Variants in EBF4 observed in about 807,000 individuals in gnomAD.
The protein encoded by EBF4 is transcription factor COE4.
In EBF4, 34 loss-of-function variants were observed where a neutral mutation model predicts 67.1. The observed-to-expected ratio is 0.51, with a 90% CI of 0.39 to 0.67. The LOEUF (loss-of-function observed/expected upper bound fraction) is 0.67. Ranked by LOEUF, EBF4 falls within the 30% of genes least tolerant of loss-of-function variation. The pLI, the probability that EBF4 is intolerant of heterozygous loss-of-function variation, is 0.00. For synonymous variants in EBF4, 387 were observed against 377.7 expected (o/e 1.02, Z -0.29); for missense variants, 837 against 873.3 (o/e 0.96, Z 0.52).
intron 6 of EBF4, among the ~76,000 whole-genome samples, chr20:2,735,172 C>T (rs549184346): frequency 8.5e-5 from 13 of 152,226 alleles, no homozygotes; most frequent in Non-Finnish European, 1.5e-4. Flanking sequence ...AGTTCTGAAT[C>T]GGGTCAAATA....
exon 14 of EBF4, chr20:2,752,447 C>T (rs1310836754): frequency 2.4e-6 from 3 of 1,275,210 alleles, no homozygotes; most frequent in Non-Finnish European, 3.0e-6. Context: ...GGCCTCGGAG[C>T]TGGCCTGGGC....
At chr20:2,710,785 C>A (rs1315168778) in intron 6 of EBF4, among the ~76,000 whole-genome samples, 1 of 152,182 alleles carries the variant, frequency 6.6e-6, no homozygotes, top group Non-Finnish European at 1.5e-5. Flanking sequence ...CTGAGATAGT[C>A]TGTGCATATA....
exon 4 of EBF4, chr20:2,706,255 G>A (rs202007358): frequency 6.7e-5 from 104 of 1,552,032 alleles, no homozygotes; most frequent in Non-Finnish European, 9.0e-5. Flanking sequence ...TCGACTCCAT[G>A]TCCAAACAGG....
At chr20:2,712,343 G>A (rs1235813456) in intron 6 of EBF4, among the ~76,000 whole-genome samples, 2 of 152,152 alleles carry the variant, frequency 1.3e-5, no homozygotes, top group South Asian at 2.1e-4. Flanking sequence ...TGTAAGAAGC[G>A]GCTGCATTCT....
At chr20:2,737,737 G>A (rs1862133559) in intron 6 of EBF4, among the ~76,000 whole-genome samples, 3 of 151,828 alleles carry the variant, frequency 2.0e-5, no homozygotes, top group African/African-American at 7.3e-5. Flanking sequence ...TTGGGAGGCC[G>A]AGGTGGGCGG....
intron 5 of EBF4, 147 bp downstream of exon 5, chr20:2,708,167 G>A (rs2087486412): frequency 3.7e-6 from 3 of 818,798 alleles, no homozygotes; most frequent in African/African-American, 1.7e-5. Context: ...GATGAAGGGA[G>A]TGGTGAGGCC....
intron 5 of EBF4, among the ~76,000 whole-genome samples, chr20:2,708,730 A>G (rs6051324): frequency 0.053 from 8,058 of 152,292 alleles, 297 homozygotes; most frequent in East Asian, 0.19. Context: ...CTCTAAAAAA[A>G]TAAATAAAGT....
chr20:2,737,423 A>C (rs974962558), intron 6 of EBF4, among the ~76,000 whole-genome samples: 1 of 152,066 alleles, frequency 6.6e-6, no homozygotes, highest in Admixed American at 6.6e-5. Context: ...CTGGGGACTC[A>C]AGCCAACCTG....
At chr20:2,702,351 C>A (rs977245902) in intron 1 of EBF4, among the ~76,000 whole-genome samples, 3 of 151,742 alleles carry the variant, frequency 2.0e-5, no homozygotes, top group Non-Finnish European at 4.4e-5. Context: ...TCACGTGAGC[C>A]TAGGAGGTTG....
intron 6 of EBF4, among the ~76,000 whole-genome samples, chr20:2,720,949 C>T (rs986751162): frequency 2.0e-5 from 3 of 152,114 alleles, no homozygotes; most frequent in African/African-American, 7.2e-5. Flanking sequence ...GATGTTTATC[C>T]TTATCTTTGT....
At chr20:2,697,295 C>T (rs1236418059) in intron 1 of EBF4, among the ~76,000 whole-genome samples, 2 of 152,082 alleles carry the variant, frequency 1.3e-5, no homozygotes, top group African/African-American at 4.8e-5. Flanking sequence ...CCTGTAATCC[C>T]AGCACTTTGG....
At chr20:2,704,580 T>C (rs541599829) in intron 1 of EBF4, among the ~76,000 whole-genome samples, 1 of 152,380 alleles carries the variant, frequency 6.6e-6, no homozygotes, top group South Asian at 2.1e-4. Context: ...TGTTCATCTG[T>C]TGAGCTCCTG....
upstream of EBF4, chr20:2,692,815 C>T (rs1158018028): frequency 9.4e-5 from 15 of 159,526 alleles, no homozygotes; most frequent in South Asian, 2.1e-3. The surrounding 1 kb of genome is among the most constrained non-coding windows in gnomAD (Gnocchi z 6.4). Flanking sequence ...GCGGCGGCGG[C>T]GGCGGCGGCG....
intron 6 of EBF4, among the ~76,000 whole-genome samples, chr20:2,711,727 G>C (rs140587055): frequency 7.2e-5 from 11 of 152,110 alleles, no homozygotes; most frequent in Non-Finnish European, 1.6e-4. Context: ...TTGTGTTCAC[G>C]GGCTTACAAT....
At chr20:2,749,557 A>T in intron 8 of EBF4, 39 bp downstream of exon 8, 2 of 1,539,788 alleles carry the variant, frequency 1.3e-6, no homozygotes, top group Non-Finnish European at 1.8e-6. Flanking sequence ...CCGCGGGCCC[A>T]GCCAGCCCCC....
In EBF4 at chr20:2,749,445, C is replaced by A. The variant is rs554847712; in HGVS notation, c.684C>A (p.Ala228=). The A allele has an allele frequency of 3.2e-6, 5 of 1,548,250 alleles. No homozygotes were observed. In the East Asian group the frequency reaches 1.2e-4, roughly 38 times the overall value. Residue 228 remains alanine, a synonymous_variant, in exon 8 of 17, where the codon GCC becomes GCA. Transcript: ENST00000609451. The stretch of plus-strand genomic sequence containing the variant: ...TGAGCGTGGACGGACACGTGCTGGC[C>A]GTGTCCGACAACATGTTTGTGCACA...
At chr20:2,750,747 G>A (rs4813615) in intron 10 of EBF4, among the ~76,000 whole-genome samples, 51,015 of 152,090 alleles carry the variant, frequency 0.34, 9,517 homozygotes, top group African/African-American at 0.52. Context: ...GTGGGGTCAC[G>A]CGGTCAAGGG....
chr20:2,701,225 C>T (rs1237641920), intron 1 of EBF4, among the ~76,000 whole-genome samples: 1 of 152,180 alleles, frequency 6.6e-6, no homozygotes, highest in Non-Finnish European at 1.5e-5. Flanking sequence ...TGCAGGATGC[C>T]GCTCTGGGCT....
At position 2,709,611 on chromosome 20, in the gene EBF4, G is replaced by T; in HGVS notation, c.526G>T (p.Glu176Ter). Residue 176 changes from glutamate to a stop codon, truncating the protein, a stop_gained, in exon 6 of 17, where the codon GAG (glutamate) becomes TAG (stop). Transcript: ENST00000609451. LOFTEE classifies it high-confidence loss of function. ...CCGGAAGAGCTGTGGCAACCGGAATGAGACGCCCTCAGACCCCGTCATCAT... is the reference window on the plus strand; with the variant it reads ...CCGGAAGAGCTGTGGCAACCGGAATTAGACGCCCTCAGACCCCGTCATCAT... The T allele has an allele frequency of 6.4e-7, 1 of 1,557,408 alleles. No homozygotes were observed. The highest frequency in any genetic ancestry group is 1.2e-5 in the South Asian group (1 of 84,700).
Sources: gnomAD v4.1 joint callset for allele counts (sites outside exome capture counted in the v4.1 genomes callset) on GRCh38, gnomAD v4.1.1 for gene constraint, Gnocchi (gnomAD v3.1) non-coding constraint, MANE v1.5 for transcripts, NCBI Gene and HGNC (gene_info 2026-07-23, HGNC 2026-07-21) for gene names.